The following FOXK1 variants were observed in gnomAD, a reference collection of about 807,000 sequenced individuals.
FOXK1 encodes the protein forkhead box K1.
Under a neutral mutation model 51.9 loss-of-function variants are expected in FOXK1, and 19 were observed. The ratio of observed to expected loss-of-function variants is 0.37; its 90% CI spans 0.26 to 0.54. The LOEUF (loss-of-function observed/expected upper bound fraction) is 0.54. FOXK1 is among the 20% of genes least tolerant of loss of function. FOXK1 has a pLI of 0.87. For missense variants in FOXK1, 870 were observed against 1,032.7 expected (o/e 0.84, Z 2.16); for synonymous variants, 537 against 482.6 (o/e 1.11, Z -1.48).
At chr7:4,752,020 A>G (rs894409193) in intron 2 of FOXK1, among the ~76,000 whole-genome samples, 30 of 152,226 alleles carry the variant, frequency 2.0e-4, no homozygotes, top group South Asian at 6.2e-4. Flanking sequence ...TGGTGTGATC[A>G]TAGCTCACTG....
rs1052036366 is a variant in FOXK1, at chr7:4,759,436, A to G, written c.1537A>G (p.Ile513Val). 2.5e-6 allele frequency: 4 copies of G among 1,595,868 alleles called. No individual in the cohort carries two copies. The African/African-American group carries it at 4.0e-5, about 16-fold the overall frequency. The change falls in exon 7 of 9, where the codon ATC (isoleucine) becomes GTC (valine). Residue 513 changes from isoleucine to valine, a missense_variant. Ile to Val is a conservative substitution (Grantham distance 29). Transcript: ENST00000328914. ...CTCACAGCAGCCCGCGGGCCACGCC[A>G]TCCACGTCGTGCAGCAGGCCCCCAC... Reference protein sequence around the residue: ...VTSQQPAGHAIHVVQQAPTVT... With the variant: ...VTSQQPAGHAVHVVQQAPTVT...
At chr7:4,696,508 G>A (rs1355670467) in intron 1 of FOXK1, among the ~76,000 whole-genome samples, 2 of 152,130 alleles carry the variant, frequency 1.3e-5, no homozygotes, top group African/African-American at 4.8e-5. Flanking sequence ...CGGAGTACTC[G>A]TCCTTTGAGC....
At chr7:4,751,638 G>A (rs1018291060) in intron 2 of FOXK1, among the ~76,000 whole-genome samples, 12 of 152,358 alleles carry the variant, frequency 7.9e-5, no homozygotes, top group South Asian at 2.1e-4. Flanking sequence ...GCCGAGGCCC[G>A]CCTGCGGAGG....
chr7:4,744,354 C>A (rs761294094), intron 2 of FOXK1, among the ~76,000 whole-genome samples: 14 of 152,114 alleles, frequency 9.2e-5, no homozygotes, highest in Non-Finnish European at 1.6e-4. Flanking sequence ...TTCCCGTTAC[C>A]TAAAGGGTGA....
At chr7:4,708,596 A>G (rs1219597603) in intron 1 of FOXK1, among the ~76,000 whole-genome samples, 1 of 152,244 alleles carries the variant, frequency 6.6e-6, no homozygotes, top group African/African-American at 2.4e-5. Context: ...TTTGCCCCGA[A>G]TGGTATAAAC....
chr7:4,728,502 A>AGCAC (rs1780409168), intron 1 of FOXK1, among the ~76,000 whole-genome samples: 1 of 152,120 alleles, frequency 6.6e-6, no homozygotes, highest in Non-Finnish European at 1.5e-5. Flanking sequence ...GTGTGCACTA[A>AGCAC]AGTGCACGTG....
intron 2 of FOXK1, among the ~76,000 whole-genome samples, chr7:4,750,608 A>G (rs1345562281): frequency 6.7e-6 from 1 of 150,226 alleles, no homozygotes; most frequent in Non-Finnish European, 1.5e-5. Context: ...ACACCCAGCT[A>G]ATTTTGTTTT....
At chr7:4,701,140 C>G (rs1166075091) in intron 1 of FOXK1, among the ~76,000 whole-genome samples, 1 of 152,204 alleles carries the variant, frequency 6.6e-6, no homozygotes, top group African/African-American at 2.4e-5. Flanking sequence ...AACGGGCTTC[C>G]TATCTCCAAG....
At chr7:4,697,034 G>T (rs985057079) in intron 1 of FOXK1, among the ~76,000 whole-genome samples, 2 of 152,110 alleles carry the variant, frequency 1.3e-5, no homozygotes, top group African/African-American at 4.8e-5. Context: ...TCCTGCCACC[G>T]CACTCCAGCC....
At chr7:4,696,336 G>A (rs1779952430) in intron 1 of FOXK1, among the ~76,000 whole-genome samples, 3 of 152,166 alleles carry the variant, frequency 2.0e-5, no homozygotes, top group African/African-American at 4.8e-5. Context: ...TTTACTGTGT[G>A]TATTGGCTGT....
rs186369735 is a variant in FOXK1, at chr7:4,748,944, G to T, written c.747-5515G>T. Among the ~76,000 whole-genome samples the T allele has an allele frequency of 6.6e-6, 1 of 152,258 alleles. No individual in the cohort carries two copies. Among genetic ancestry groups the T allele is most frequent in the Non-Finnish European group, 1.5e-5 (1 of 68,006 alleles). ...TCTGCCCACCTCAGCCTCCCAAAGC[G>T]CTGGGATTACAGGTGTGAGCCACCT... is the stretch of plus-strand genomic sequence containing the variant. On this transcript the variant is annotated intron_variant, in intron 2 of 8. Coordinates refer to ENST00000328914, the MANE Select transcript of FOXK1 (RefSeq NM_001037165.2). This position sits in a 1 kb window ranked among gnomAD's most constrained non-coding sequence, Gnocchi z 4.9.
Position 4,755,174 on chromosome 7 carries a change from G to A in FOXK1, c.904-63G>A, listed in dbSNP as rs1165255951. 23 of 1,583,072 alleles carry A rather than the reference G, an allele frequency of 1.5e-5. No individual in the cohort carries two copies. Among genetic ancestry groups the A allele is most frequent in the Non-Finnish European group, 4.3e-6 (5 of 1,159,828 alleles). On this transcript the variant is annotated intron_variant, in intron 3 of 8. Transcript: ENST00000328914. The surrounding 1 kb of genome is among the most constrained non-coding windows in gnomAD (Gnocchi z 6.6). ...AGGTTCCTCCCCATCAGCTGTGACG[G>A]GTGGGTGGGGTAGACTCAGGGACCT...
chr7:4,695,618 A>G (rs1323604299), intron 1 of FOXK1, among the ~76,000 whole-genome samples: 3 of 152,110 alleles, frequency 2.0e-5, no homozygotes, highest in Non-Finnish European at 4.4e-5. Flanking sequence ...CCTGGCCAAC[A>G]TGGCGAAGCC....
At chr7:4,696,498 C>T (rs535026300) in intron 1 of FOXK1, among the ~76,000 whole-genome samples, 1 of 152,196 alleles carries the variant, frequency 6.6e-6, no homozygotes, top group Non-Finnish European at 1.5e-5. Flanking sequence ...AATAAGCCCT[C>T]GGAGTACTCG....
At position 4,690,343 on chromosome 7, in the gene FOXK1, T is replaced by C. The variant is rs568640691; in HGVS notation, c.560+7475T>C. Among the ~76,000 whole-genome samples, 9 of 152,374 alleles carry C rather than the reference T, an allele frequency of 5.9e-5. 2 individuals carry two copies. Among genetic ancestry groups the C allele is most frequent in the South Asian group, 2.1e-4 (1 of 4,834 alleles). ...GTATCTTGATAGCCAAGAAATGAAA[T>C]GCGGCATCTCCAAATAAAGGCTTTA... On this transcript the variant is annotated intron_variant, in intron 1 of 8. Transcript: ENST00000328914.
Position 4,715,743 on chromosome 7 carries a change from C to T in FOXK1, c.561-25095C>T, listed in dbSNP as rs183284542. On this transcript the variant is annotated intron_variant, in intron 1 of 8. Coordinates refer to ENST00000328914, the MANE Select transcript of FOXK1 (RefSeq NM_001037165.2). The surrounding 1 kb of genome is among the most constrained non-coding windows in gnomAD (Gnocchi z 4.5). Reference sequence around the variant, plus strand: ...TGGTTGTCATTGGCCAAGCCAGCTCCGGGCACCCTGAGGTTCCCTCACAGC... The same window carrying T: ...TGGTTGTCATTGGCCAAGCCAGCTCTGGGCACCCTGAGGTTCCCTCACAGC... 2.6e-5 allele frequency among the ~76,000 whole-genome samples: 4 copies of T among 152,282 alleles called. No individual in the cohort carries two copies. Among genetic ancestry groups the T allele is most frequent in the Admixed American group, 6.5e-5 (1 of 15,298 alleles).
chr7:4,689,047 G>T (rs1025920592), intron 1 of FOXK1, among the ~76,000 whole-genome samples: 6 of 151,514 alleles, frequency 4.0e-5, no homozygotes, highest in Admixed American at 3.9e-4. Flanking sequence ...CACCATCTTG[G>T]CTCATTGCAA....
chr7:4,702,068 C>T (rs1780027297), intron 1 of FOXK1, among the ~76,000 whole-genome samples: 1 of 152,098 alleles, frequency 6.6e-6, no homozygotes, highest in Admixed American at 6.5e-5. Context: ...GAGCAAGACC[C>T]TGTCTCAAAA....
chr7:4,766,723 G>A lies in FOXK1; in HGVS notation c.*4259G>A, dbSNP rs562979438. On this transcript the variant is annotated 3_prime_UTR_variant, in exon 9 of 9. Transcript: ENST00000328914. The surrounding 1 kb of genome is among the most constrained non-coding windows in gnomAD (Gnocchi z 5.5). ...GAGCCCAGCTGGGCCTCGCCTCCCC[G>A]GCTCCTGGGTCCATTTTCTGTACTG... 1.2e-4 allele frequency: 18 copies of A among 152,350 alleles called. No individual in the cohort carries two copies. The East Asian group carries it at 3.1e-3, about 26-fold the overall frequency. The allele number at this position is 152,350 out of a possible 1,614,324, so 9.4% of individuals were successfully genotyped here.
Sources: allele counts gnomAD v4.1 joint callset (sites outside exome capture counted in the v4.1 genomes callset), GRCh38; gene constraint gnomAD v4.1.1; non-coding constraint Gnocchi (gnomAD v3.1); transcripts MANE v1.5; gene names NCBI Gene and HGNC (gene_info 2026-07-23, HGNC 2026-07-21).